Variants in PCDHGA1 observed in about 807,000 individuals in gnomAD.
PCDHGA1 encodes the protein protocadherin gamma-A1.
PCDHGA1 carries 32 observed loss-of-function variants against 58.0 expected under a neutral mutation model. The observed-to-expected ratio is 0.55, with a 90% CI of 0.42 to 0.74. The LOEUF is 0.74. Ranked by LOEUF, PCDHGA1 falls within the 30% of genes least tolerant of loss-of-function variation. PCDHGA1 has a pLI of 0.00. For missense variants in PCDHGA1, 1,205 were observed against 1,182.3 expected, an observed-to-expected ratio of 1.02 and a Z score of -0.28; for synonymous variants, 498 against 501.1, an observed-to-expected ratio of 0.99 and a Z score of 0.08.
At chr5:141,362,004 G>T in intron 1 of PCDHGA1, 1 of 1,604,470 alleles carries the variant, frequency 6.2e-7, no homozygotes, top group South Asian at 1.1e-5. Flanking sequence ...GGTTGCGCAC[G>T]GGTGAGGTGC....
chr5:141,371,752 A>G, intron 1 of PCDHGA1: 1 of 1,614,006 alleles, frequency 6.2e-7, no homozygotes, highest in Non-Finnish European at 8.5e-7. Flanking sequence ...CCCGTTTTCC[A>G]CCAGGCCTCC....
intron 1 of PCDHGA1, chr5:141,362,013 G>T (rs781020540): frequency 6.2e-7 from 1 of 1,606,178 alleles, no homozygotes; most frequent in South Asian, 1.1e-5. Context: ...CGGGTGAGGT[G>T]CGCACAGCGC....
chr5:141,454,628 AC>A (rs1272822911), intron 1 of PCDHGA1, among the ~76,000 whole-genome samples: 2 of 151,334 alleles, frequency 1.3e-5, no homozygotes, highest in Non-Finnish European at 2.9e-5. Context: ...CTGGTCTCGA[AC>A]CCCCAACCTC....
At position 141,376,211 on chromosome 5, in the gene PCDHGA1, G is replaced by T; in HGVS notation, c.2421+43106G>T. The T allele has an allele frequency of 6.2e-7, 1 of 1,614,180 alleles. No homozygotes were observed. Among genetic ancestry groups the T allele is most frequent in the South Asian group, 1.1e-5 (1 of 91,070 alleles). ...CTGCGTCTTCCTGGCCTTCGTCATC[G>T]TGCTGCTGGCGCTCAGACTGCAGCG... On this transcript the variant is annotated intron_variant, in intron 1 of 3. Transcript: ENST00000517417.
intron 1 of PCDHGA1, chr5:141,356,920 G>C (rs964262114): frequency 6.2e-7 from 1 of 1,613,924 alleles, no homozygotes; most frequent in South Asian, 1.1e-5. Flanking sequence ...TGGCTCCACT[G>C]GTGTGGAGCT....
chr5:141,373,015 TG>T (rs1769262754), intron 1 of PCDHGA1, among the ~76,000 whole-genome samples: 1 of 152,232 alleles, frequency 6.6e-6, no homozygotes, highest in Non-Finnish European at 1.5e-5. Flanking sequence ...AGCCTCCTTT[TG>T]ATAGTCTTGA....
intron 1 of PCDHGA1, chr5:141,400,466 C>T: frequency 6.2e-7 from 1 of 1,614,024 alleles, no homozygotes; most frequent in Non-Finnish European, 8.5e-7. Context: ...TGTGGTGATT[C>T]ATCTGGGGCC....
At position 141,511,146 on chromosome 5, in the gene PCDHGA1, G is replaced by T; in HGVS notation, c.2769G>T (p.Lys923Asn). 1 of 1,614,208 alleles carries T rather than the reference G, an allele frequency of 6.2e-7. No individual in the cohort carries two copies. Among genetic ancestry groups the T allele is most frequent in the Non-Finnish European group, 8.5e-7 (1 of 1,180,018 alleles). The change falls in exon 4 of 4, where the codon AAG becomes AAT. Residue 923 changes from lysine to asparagine, a missense_variant. Lys to Asn is a moderately conservative substitution (Grantham distance 94). Coordinates refer to ENST00000517417, the MANE Select transcript of PCDHGA1 (RefSeq NM_018912.3). Reference protein sequence around the residue: ...KAPAGGNGNKKKSGKKEKK With the variant: ...KAPAGGNGNKNKSGKKEKK The stretch of plus-strand genomic sequence containing the variant: ...CAGCAGGTGGCAATGGCAACAAGAA[G>T]AAGTCGGGCAAGAAGGAGAAGAAGT...
Position 141,431,854 on chromosome 5 carries a change from A to G in PCDHGA1, c.2422-62953A>G. On this transcript the variant is annotated intron_variant, in intron 1 of 3. Coordinates refer to ENST00000517417, the MANE Select transcript of PCDHGA1 (RefSeq NM_018912.3). The surrounding 1 kb of genome is among the most constrained non-coding windows in gnomAD (Gnocchi z 4.8). Reference sequence around the variant, plus strand: ...CCGAAAACTCTCCCAGAGGGACATTAATTGCCCTTTTAAATGTAAATGACC... The same window carrying G: ...CCGAAAACTCTCCCAGAGGGACATTGATTGCCCTTTTAAATGTAAATGACC... The G allele has an allele frequency of 6.2e-7, 1 of 1,614,230 alleles. No individual in the cohort carries two copies. The highest frequency in any genetic ancestry group is 1.3e-5 in the African/African-American group (1 of 75,070).
intron 1 of PCDHGA1, among the ~76,000 whole-genome samples, chr5:141,445,531 C>A (rs1476079791): frequency 6.6e-6 from 1 of 152,136 alleles, no homozygotes; most frequent in Non-Finnish European, 1.5e-5. Flanking sequence ...TGATAAAAGC[C>A]AACAAGGAGA....
chr5:141,388,876 T>C lies in PCDHGA1; in HGVS notation c.2421+55771T>C, dbSNP rs941783342. 6.2e-6 allele frequency: 10 copies of C among 1,613,840 alleles called. No homozygotes were observed. In the African/African-American group the frequency reaches 1.1e-4, roughly 17 times the overall value. On this transcript the variant is annotated intron_variant, in intron 1 of 3. Coordinates refer to ENST00000517417, the MANE Select transcript of PCDHGA1 (RefSeq NM_018912.3). ...GGAGGAATGATTGCGCAATGCACAGTGGAGGTAGAAGTCATAGATGAAAAT... is the reference window on the plus strand; with the variant it reads ...GGAGGAATGATTGCGCAATGCACAGCGGAGGTAGAAGTCATAGATGAAAAT...
intron 1 of PCDHGA1, chr5:141,427,201 A>G (rs1272966114): frequency 4.4e-6 from 2 of 456,618 alleles, no homozygotes; most frequent in African/African-American, 4.0e-5. Flanking sequence ...GACTTAATAG[A>G]CTTCGAATTT....
In PCDHGA1 at chr5:141,487,160, G is replaced by A. The variant is rs1188929436; in HGVS notation, c.2422-7647G>A. 5.0e-6 allele frequency: 8 copies of A among 1,613,830 alleles called. No homozygotes were observed. The highest frequency in any genetic ancestry group is 5.1e-6 in the Non-Finnish European group (6 of 1,179,840). ...ACTCTCTACCTCTGTTACTCTCTTA[G>A]TGTCCTTAGAGGAAGACACTCATCC... On this transcript the variant is annotated intron_variant, in intron 1 of 3. Transcript: ENST00000517417. The surrounding 1 kb of genome is among the most constrained non-coding windows in gnomAD (Gnocchi z 5.0).
chr5:141,474,626 G>A (rs1006911535), intron 1 of PCDHGA1, among the ~76,000 whole-genome samples: 5 of 152,288 alleles, frequency 3.3e-5, no homozygotes, highest in African/African-American at 9.6e-5. Flanking sequence ...CATCTCTTCC[G>A]GAAATATCCT....
At chr5:141,412,406 G>T (rs1278637068) in intron 1 of PCDHGA1, 1 of 152,046 alleles carries the variant, frequency 6.6e-6, no homozygotes, top group African/African-American at 2.4e-5. Context: ...ATCCCTGTAA[G>T]ATAAAGTATG....
At chr5:141,480,910 T>C (rs985100480) in intron 1 of PCDHGA1, among the ~76,000 whole-genome samples, 5 of 152,106 alleles carry the variant, frequency 3.3e-5, no homozygotes, top group Non-Finnish European at 7.4e-5. Flanking sequence ...CTGGGCATGG[T>C]GGCGCATACC....
chr5:141,383,253 T>C (rs563605516), intron 1 of PCDHGA1: 4 of 1,613,928 alleles, frequency 2.5e-6, no homozygotes, highest in Middle Eastern at 1.6e-4. Context: ...ATCTTTACCC[T>C]ATAGACGTGG....
intron 1 of PCDHGA1, chr5:141,418,345 T>G: frequency 6.2e-7 from 1 of 1,614,000 alleles, no homozygotes; most frequent in Non-Finnish European, 8.5e-7. Context: ...ATCCTGATAT[T>G]AGTATGAATT....
intron 1 of PCDHGA1, chr5:141,378,041 T>C (rs1774568031): frequency 6.6e-6 from 1 of 152,220 alleles, no homozygotes; most frequent in Admixed American, 6.5e-5. Flanking sequence ...AACAAGACTT[T>C]CCTTATCTAT....
Sources: allele counts gnomAD v4.1 joint callset (sites outside exome capture counted in the v4.1 genomes callset), GRCh38; gene constraint gnomAD v4.1.1; non-coding constraint Gnocchi (gnomAD v3.1); transcripts MANE v1.5; gene names NCBI Gene and HGNC (gene_info 2026-07-23, HGNC 2026-07-21).